Variants in MACF1 observed in about 807,000 individuals in gnomAD.
MACF1 encodes the protein microtubule actin crosslinking factor 1.
Under a neutral mutation model 854.8 loss-of-function variants are expected in MACF1, and 193 were observed. That is an observed-to-expected ratio of 0.23 (90% CI 0.20 to 0.25). The LOEUF (loss-of-function observed/expected upper bound fraction) is 0.25. MACF1 is among the 10% of genes least tolerant of loss of function. The probability of loss-of-function intolerance (pLI) is 1.00; values close to 1 mark genes in which losing one functional copy is unlikely to be tolerated. For missense variants in MACF1, 7,722 were observed against 8,929.1 expected, an observed-to-expected ratio of 0.86 and a Z score of 5.45; for synonymous variants, 3,185 against 3,226.7, an observed-to-expected ratio of 0.99 and a Z score of 0.44.
rs924192647 is a variant in MACF1, at chr1:39,269,334, CAAG to C, written c.528+11309_528+11311del. 6.0e-5 allele frequency: 78 copies of C among 1,289,822 alleles called. No homozygotes were observed. In the African/African-American group the frequency reaches 8.6e-4, roughly 14 times the overall value. The allele number at this position is 1,289,822 out of a possible 1,614,324, so 79.9% of individuals were successfully genotyped here. On this transcript the variant is annotated intron_variant, in intron 6 of 100. Coordinates refer to ENST00000564288, the MANE Select transcript of MACF1 (RefSeq NM_001394062.1). ...AGACTACCCCACTGATAAAGGAAAT[CAAG>C]AACAATTTTCAGAGGGCTGGAGTGT...
intron 91 of MACF1, chr1:39,459,685 C>G (rs1001010744): frequency 2.4e-6 from 1 of 417,668 alleles, no homozygotes; most frequent in African/African-American, 2.1e-5. Flanking sequence ...TGTTATTAGT[C>G]TTCACTTGAT....
At chr1:39,140,237 G>A (rs1300733527) in intron 2 of MACF1, among the ~76,000 whole-genome samples, 2 of 152,158 alleles carry the variant, frequency 1.3e-5, no homozygotes, top group African/African-American at 4.8e-5. Context: ...TTACGGGCAT[G>A]AGCCATCATA....
chr1:39,290,381 A>T (rs1435474512), intron 15 of MACF1, among the ~76,000 whole-genome samples: 1 of 152,036 alleles, frequency 6.6e-6, no homozygotes, highest in Non-Finnish European at 1.5e-5. Context: ...ATTCTGTTCC[A>T]TTGGTCTATG....
Position 39,385,765 on chromosome 1 carries a change from G to T in MACF1, c.14180G>T (p.Ser4727Ile). The change falls in exon 57 of 101, where the codon AGT (serine) becomes ATT (isoleucine). Residue 4727 changes from serine (S) to isoleucine (I), a missense_variant. This residue lies in a region of MACF1 where 2,807 missense variants were observed against 3,235.8 expected (regional missense o/e 0.87). Coordinates refer to ENST00000564288, the MANE Select transcript of MACF1 (RefSeq NM_001394062.1). ...EAVKQQLEET[S>I]EIRSDLEQLD... ...GTAAAGCAGCAATTGGAAGAGACCA[G>T]TGAAATTCGATCTGACTTGGAGCAG... The T allele has an allele frequency of 6.2e-7, 1 of 1,614,148 alleles. No individual in the cohort carries two copies. The highest frequency in any genetic ancestry group is 8.5e-7 in the Non-Finnish European group (1 of 1,180,036).
At chr1:39,101,841 A>T (rs1329751226) in intron 2 of MACF1, among the ~76,000 whole-genome samples, 1 of 144,750 alleles carries the variant, frequency 6.9e-6, no homozygotes, top group Non-Finnish European at 1.5e-5. Flanking sequence ...AAGAAAGGAA[A>T]GAAAGAAAGG....
Position 39,373,076 on chromosome 1 carries a change from G to A in MACF1, c.13213+480G>A, listed in dbSNP as rs554375892. The A allele has an allele frequency of 9.5e-4, 156 of 164,374 alleles. 6 individuals are homozygous for A. The South Asian group carries it at 0.022, about 23-fold the overall frequency. The allele number at this position is 164,374 out of a possible 1,614,324, so 10.2% of individuals were successfully genotyped here. On this transcript the variant is annotated intron_variant, in intron 52 of 100. Coordinates refer to ENST00000564288, the MANE Select transcript of MACF1 (RefSeq NM_001394062.1). The stretch of plus-strand genomic sequence containing the variant: ...AATCCCAGCACTTTGGGAGGCCAAG[G>A]CAGGCGGATCACGAAGTCAGGAGAT...
At chr1:39,194,829 C>T (rs1338916784) in intron 2 of MACF1, among the ~76,000 whole-genome samples, 1 of 151,944 alleles carries the variant, frequency 6.6e-6, no homozygotes, top group Non-Finnish European at 1.5e-5. Context: ...GTAGCTAGAA[C>T]TACAGGTGTG....
chr1:39,256,008 T>C (rs1398495470), intron 5 of MACF1, among the ~76,000 whole-genome samples: 1 of 152,042 alleles, frequency 6.6e-6, no homozygotes, highest in African/African-American at 2.4e-5. Context: ...AACGGTAAAG[T>C]CCAAGATGTA....
chr1:39,471,984 G>A (rs1644786976), intron 97 of MACF1, among the ~76,000 whole-genome samples: 1 of 152,080 alleles, frequency 6.6e-6, no homozygotes, highest in Non-Finnish European at 1.5e-5. Flanking sequence ...CAATAGCTTA[G>A]AACTGAATTT....
intron 2 of MACF1, among the ~76,000 whole-genome samples, chr1:39,151,955 G>GTCTTTTATA (rs924272584): frequency 1.3e-5 from 2 of 151,962 alleles, no homozygotes; most frequent in Non-Finnish European, 2.9e-5. Context: ...TCACATTCTT[G>GTCTTTTATA]TCTTTTATAA....
chr1:39,294,395 A>G (rs148889895), intron 18 of MACF1, among the ~76,000 whole-genome samples: 26 of 152,320 alleles, frequency 1.7e-4, no homozygotes, highest in Middle Eastern at 3.4e-3. Context: ...TTTAACATGC[A>G]CTTTAGACAG....
intron 35 of MACF1, among the ~76,000 whole-genome samples, chr1:39,325,694 A>T (rs1646596912): frequency 6.6e-6 from 1 of 152,148 alleles, no homozygotes; most frequent in Non-Finnish European, 1.5e-5. Flanking sequence ...CTTTTTTCTG[A>T]GGTGGAGATG....
chr1:39,470,271 TC>T (rs1448840238), intron 97 of MACF1, among the ~76,000 whole-genome samples: 3 of 152,190 alleles, frequency 2.0e-5, no homozygotes, highest in South Asian at 2.1e-4. Flanking sequence ...CCTAAGTAGT[TC>T]CTCTTATTTT....
Position 39,429,921 on chromosome 1 carries a change from A to T in MACF1, c.16983A>T (p.Leu5661Phe). The stretch of plus-strand genomic sequence containing the variant: ...CTAGCTCCAAGGCCCTCAGAACTTT[A>T]GAGCAAGCCCGGCAGCTGGCCACCA... Reference protein sequence around the residue: ...TVTSSKALRTLEQARQLATKF... With the variant: ...TVTSSKALRTFEQARQLATKF... Residue 5661 changes from leucine (L) to phenylalanine (F), a missense_variant, in exon 65 of 101, where the codon TTA becomes TTT. Coordinates refer to ENST00000564288, the MANE Select transcript of MACF1 (RefSeq NM_001394062.1). The T allele has an allele frequency of 6.2e-7, 1 of 1,614,196 alleles. No individual in the cohort carries two copies. The highest frequency in any genetic ancestry group is 1.3e-5 in the African/African-American group (1 of 75,068).
At chr1:39,258,609 C>A (rs761146490) in intron 6 of MACF1, among the ~76,000 whole-genome samples, 17 of 152,184 alleles carry the variant, frequency 1.1e-4, no homozygotes, top group Non-Finnish European at 2.1e-4. Flanking sequence ...CTTTTTAGAT[C>A]TGAATTGCTA....
intron 64 of MACF1, 31 bp from the exon 65 acceptor site, chr1:39,429,796 A>G: frequency 1.2e-6 from 2 of 1,609,612 alleles, no homozygotes; most frequent in Non-Finnish European, 1.7e-6. Context: ...AGGTCTCTTA[A>G]ATATGAGTAA....
chr1:39,405,532 G>A (rs1042687205), intron 58 of MACF1, among the ~76,000 whole-genome samples: 4 of 152,210 alleles, frequency 2.6e-5, no homozygotes, highest in Admixed American at 2.6e-4. Context: ...GACAAGGGCA[G>A]GATGCCAGGT....
chr1:39,430,929 G>A (rs777514010), intron 66 of MACF1, 21 bp downstream of exon 66: 2 of 1,588,172 alleles, frequency 1.3e-6, no homozygotes, highest in South Asian at 1.1e-5. Flanking sequence ...TAATACCTCT[G>A]CATTAATATT....
intron 58 of MACF1, among the ~76,000 whole-genome samples, chr1:39,421,928 A>C (rs1434782422): frequency 6.6e-6 from 1 of 152,132 alleles, no homozygotes; most frequent in African/African-American, 2.4e-5. Context: ...CAAAAAAATT[A>C]GCTGGGCATG....
Sources: allele counts gnomAD v4.1 joint callset (sites outside exome capture counted in the v4.1 genomes callset), GRCh38; gene constraint gnomAD v4.1.1; regional missense constraint gnomAD v4.1.1; transcripts MANE v1.5; gene names NCBI Gene and HGNC (gene_info 2026-07-23, HGNC 2026-07-21).